The following TXNIP variants were observed in gnomAD, a reference collection of about 807,000 sequenced individuals.
TXNIP encodes the protein thioredoxin-interacting protein.
A neutral mutation model predicts 43.9 loss-of-function variants in TXNIP; 23 were observed. The ratio of observed to expected loss-of-function variants is 0.52; its 90% confidence interval spans 0.38 to 0.74. TXNIP has a LOEUF of 0.74. TXNIP is among the 30% of genes least tolerant of loss of function. TXNIP has a pLI of 0.00. For synonymous variants in TXNIP, 234 were observed against 172.2 expected (o/e 1.36, Z -2.81); for missense variants, 555 against 485.4 (o/e 1.14, Z -1.35).
At position 145,994,129 on chromosome 1, in the gene TXNIP, G is replaced by A. The variant is rs1651331657; in HGVS notation, c.1027C>T (p.Arg343Ter). 2 of 1,614,122 alleles carry A rather than the reference G, an allele frequency of 1.2e-6. No homozygotes were observed. The highest frequency in any genetic ancestry group is 2.2e-5 in the East Asian group (1 of 44,888). The change falls in exon 7 of 8, where the codon CGA becomes TGA. Residue 343 changes from arginine to a stop codon, truncating the protein, a stop_gained. Coordinates refer to ENST00000582401, the MANE Select transcript of TXNIP (RefSeq NM_006472.6). LOFTEE classifies it high-confidence loss of function. ...CYMDVIPEDH[R>*]LESPTTPLLD... is the part of the protein sequence containing the mutation. ...AGAGGAGTGGTTGGGCTCTCCAATC[G>A]GTGATCTTCAGGAATGACATCCATA...
chr1:145,994,861 C>A, intron 4 of TXNIP, 61 bp from the exon 5 acceptor site: 1 of 1,613,632 alleles, frequency 6.2e-7, no homozygotes, highest in Non-Finnish European at 8.5e-7. Context: ...ACTTCCTCTA[C>A]CCCAGTCCCA....
intron 1 of TXNIP, chr1:145,995,804 T>A (rs1651487322): frequency 1.5e-6 from 1 of 672,934 alleles, no homozygotes; most frequent in African/African-American, 1.8e-5. Context: ...CAGGATCCCC[T>A]TTAGGACACA....
chr1:145,995,857 G>T, intron 1 of TXNIP, 160 bp downstream of exon 1: 2 of 879,282 alleles, frequency 2.3e-6, no homozygotes, highest in African/African-American at 1.7e-5. Flanking sequence ...TTTTGGGGGG[G>T]GAGGAGAATG....
Position 145,993,535 on chromosome 1 carries a change from C to T in TXNIP, c.*316G>A, listed in dbSNP as rs1553765732. ...AGCTTACGCCAGGAGGCCATTTTTA[C>T]CTGACCCGAAACTATCGAAAAGGCC... On this transcript the variant is annotated 3_prime_UTR_variant, in exon 8 of 8. Transcript: ENST00000582401. 1 of 244,968 alleles carries T rather than the reference C, an allele frequency of 4.1e-6. No individual in the cohort carries two copies. Among genetic ancestry groups the T allele is most frequent in the Non-Finnish European group, 8.0e-6 (1 of 124,804 alleles). The allele number at this position is 244,968 out of a possible 1,614,324, so 15.2% of individuals were successfully genotyped here.
chr1:145,995,850 TGG>T, intron 1 of TXNIP, 165 bp downstream of exon 1: 2 of 854,368 alleles, frequency 2.3e-6, no homozygotes, highest in Non-Finnish European at 3.5e-6. Flanking sequence ...CCCTTTTTTT[TGG>T]GGGGGGAGGA....
Position 145,996,467 on chromosome 1 carries a change from A to C in TXNIP, c.-201T>G. 5.4e-6 allele frequency: 3 copies of C among 554,056 alleles called. No individual in the cohort carries two copies. The highest frequency in any genetic ancestry group is 6.1e-6 in the Non-Finnish European group (2 of 328,486). 34.3% of individuals were successfully genotyped at this position (554,056 alleles called of 1,614,324 possible). A position where few individuals can be genotyped will look rare whatever the true frequency, so the allele number is the denominator to read the frequency against. ...TTTCGAAAAGGCGCCTAAAAAATAT[A>C]CGCCGCTGGTTACACTAAGCTAATT... On this transcript the variant is annotated 5_prime_UTR_variant, in exon 1 of 8. Coordinates refer to ENST00000582401, the MANE Select transcript of TXNIP (RefSeq NM_006472.6).
Position 145,994,426 on chromosome 1 carries a change from G to C in TXNIP, c.843C>G (p.Ser281Arg). 3 of 1,613,730 alleles carry C rather than the reference G, an allele frequency of 1.9e-6. No homozygotes were observed. Among genetic ancestry groups the C allele is most frequent in the Non-Finnish European group, 2.5e-6 (3 of 1,179,790 alleles). ...RVEYSLLIYV[S>R]VPGSKKVILD... ...GGATGACCTTCTTGGATCCAGGAAC[G>C]CTAACATAGATCTAGAAAGGAAGAT... is the stretch of plus-strand genomic sequence containing the variant. Residue 281 changes from serine to arginine, a missense_variant, in exon 6 of 8, where the codon AGC becomes AGG. Coordinates refer to ENST00000582401, the MANE Select transcript of TXNIP (RefSeq NM_006472.6).
intron 1 of TXNIP, 159 bp from the exon 2 acceptor site, chr1:145,995,635 G>A (rs1427256239): frequency 1.4e-6 from 1 of 728,652 alleles, no homozygotes; most frequent in Non-Finnish European, 2.3e-6. Flanking sequence ...TTCTTAAAGA[G>A]AAATTCTGAT....
intron 1 of TXNIP, 122 bp from the exon 2 acceptor site, chr1:145,995,598 A>G (rs1553766413): frequency 2.3e-6 from 2 of 881,414 alleles, no homozygotes; most frequent in Non-Finnish European, 3.7e-6. Context: ...CATCCCATAT[A>G]TATATTTTTT....
rs781843119 is a variant in TXNIP at position 145,996,204 on chromosome 1, G to A, written c.63C>T (p.Tyr21=). ...EVVFNDPEKV[Y]GSGEKVAGRV... The stretch of plus-strand genomic sequence containing the variant: ...GGCCAGCCACCTTCTCGCCACTGCC[G>A]TACACCTTTTCAGGGTCGTTAAAGA... The change falls in exon 1 of 8, where the codon TAC becomes TAT. Residue 21 remains tyrosine, a synonymous_variant. Transcript: ENST00000582401. 4.3e-6 allele frequency: 7 copies of A among 1,613,740 alleles called. No homozygotes were observed. The African/African-American group carries it at 6.7e-5, about 15-fold the overall frequency.
In TXNIP at chr1:145,995,179, C is replaced by T; in HGVS notation, c.436G>A (p.Val146Met). Reference sequence around the variant, plus strand: ...GGGGTATTGACATCCACCAGATCCACTACTTCAAAGTTTTTCTTTGTCTCT... The same window carrying T: ...GGGGTATTGACATCCACCAGATCCATTACTTCAAAGTTTTTCTTTGTCTCT... ...TQETKKNFEV[V>M]DLVDVNTPDL... The change falls in exon 3 of 8, where the codon GTG becomes ATG. Residue 146 changes from valine to methionine, a missense_variant. Transcript: ENST00000582401. 1 of 1,614,170 alleles carries T rather than the reference C, an allele frequency of 6.2e-7. No homozygotes were observed. Among genetic ancestry groups the T allele is most frequent in the Non-Finnish European group, 8.5e-7 (1 of 1,180,032 alleles).
Position 145,994,266 on chromosome 1 carries a change from T to A in TXNIP, c.988+15A>T, listed in dbSNP as rs782778967. On this transcript the variant is annotated intron_variant, in intron 6 of 7. Coordinates refer to ENST00000582401, the MANE Select transcript of TXNIP (RefSeq NM_006472.6). ...GTAGACCAGAAACAAAGAAAAGACATTAGGTCTGGCTCACCTTCTGGGGTA... is the reference window on the plus strand; with the variant it reads ...GTAGACCAGAAACAAAGAAAAGACAATAGGTCTGGCTCACCTTCTGGGGTA... 8 of 1,613,428 alleles carry A rather than the reference T, an allele frequency of 5.0e-6. No individual in the cohort carries two copies. In the Admixed American group the frequency reaches 1.3e-4, roughly 27 times the overall value.
rs775233794 is a variant in TXNIP at position 145,993,824 on chromosome 1, T to TAA, written c.*25_*26dup. The TAA allele has an allele frequency of 3.0e-5, 48 of 1,613,838 alleles. No homozygotes were observed. Among genetic ancestry groups the TAA allele is most frequent in the Non-Finnish European group, 4.0e-5 (47 of 1,179,844 alleles). ...AGAGAGACAAAAAGAAACAAGTAGG[T>TAA]AAAGCTGCTTCTTTTCTTCCACATG... On this transcript the variant is annotated 3_prime_UTR_variant, in exon 8 of 8. Transcript: ENST00000582401.
intron 1 of TXNIP, chr1:145,995,762 ATAAGACTT>A: frequency 3.3e-6 from 2 of 612,852 alleles, no homozygotes; most frequent in South Asian, 4.1e-5. Context: ...TTATGCACAC[ATAAGACTT>A]TAACTACCCG....
Position 145,992,849 on chromosome 1 carries a change from G to A in TXNIP, c.*1002C>T, listed in dbSNP as rs1360566475. The A allele has an allele frequency of 6.6e-6, 1 of 152,670 alleles. No homozygotes were observed. The highest frequency in any genetic ancestry group is 1.5e-5 in the Non-Finnish European group (1 of 68,068). The allele number at this position is 152,670 out of a possible 1,614,324, so 9.5% of individuals were successfully genotyped here. A position where few individuals can be genotyped will look rare whatever the true frequency, so the allele number is the denominator to read the frequency against. ...TGATCAAGAGTTCCTCCTTGGGTTT[G>A]AAGTCACAGTGGGCAAGGCTGACAG... On this transcript the variant is annotated 3_prime_UTR_variant, in exon 8 of 8. Coordinates refer to ENST00000582401, the MANE Select transcript of TXNIP (RefSeq NM_006472.6).
In TXNIP at chr1:145,995,353, G is replaced by A. The variant is rs782234887; in HGVS notation, c.323+51C>T. 7.5e-6 allele frequency: 12 copies of A among 1,609,598 alleles called. No homozygotes were observed. The Middle Eastern group carries it at 4.9e-4, about 66-fold the overall frequency. ...AAGAACAGTAAGTGATCAAAGGAGG[G>A]CAAGATATTTTAGACAGAAAAGTTC... On this transcript the variant is annotated intron_variant, in intron 2 of 7. Transcript: ENST00000582401.
chr1:145,996,076 T>C lies in TXNIP; in HGVS notation c.191A>G (p.Lys64Arg), dbSNP rs1049384861. The change falls in exon 1 of 8, where the codon AAA becomes AGA. Residue 64 changes from lysine (K) to arginine (R), a missense_variant. Physicochemically the swap from Lys to Arg is conservative, Grantham distance 26. Transcript: ENST00000582401. ...ATAGCGCAGGTACTCCGAAGTCTGTTTGCACTGCTGGGATCCCTGCATCCA... is the reference window on the plus strand; with the variant it reads ...ATAGCGCAGGTACTCCGAAGTCTGTCTGCACTGCTGGGATCCCTGCATCCA... ...VLWMQGSQQC[K>R]QTSEYLRYED... 6.2e-7 allele frequency: 1 copy of C among 1,614,098 alleles called. No homozygotes were observed.
At position 145,993,864 on chromosome 1, in the gene TXNIP, T is replaced by C. The variant is rs782309079; in HGVS notation, c.1163A>G (p.Asn388Ser). ...TCTTCCACATGCTCACTGCACATTG[T>C]TGTTGAGGATGCAGGGATCCACCTA... The part of the protein sequence containing the change: ...YTEVDPCILN[N>S]NVQ Residue 388 changes from asparagine (N) to serine (S), a missense_variant, in exon 8 of 8, where the codon AAC becomes AGC. Asn to Ser is a conservative substitution (Grantham distance 46). Transcript: ENST00000582401. 6.8e-6 allele frequency: 11 copies of C among 1,614,208 alleles called. No individual in the cohort carries two copies. Among genetic ancestry groups the C allele is most frequent in the Middle Eastern group, 3.3e-4 (2 of 6,062 alleles).
rs1553766182 is a variant in TXNIP, at chr1:145,994,943, T to C, written c.560A>G (p.Lys187Arg). ...RVSVSARIDR[K>R]GFCEGDEISI... is the part of the protein sequence containing the mutation. ...TAGGATTTTACCTTCACAGAATCCT[T>C]TTCTGTCAATTCGAGCAGAGACAGA... The change falls in exon 4 of 8, where the codon AAA (lysine) becomes AGA (arginine). Residue 187 changes from lysine (K) to arginine (R), a missense_variant. Transcript: ENST00000582401. 6.2e-7 allele frequency: 1 copy of C among 1,614,136 alleles called. No individual in the cohort carries two copies. The highest frequency in any genetic ancestry group is 1.1e-5 in the South Asian group (1 of 91,086).
Sources: gnomAD v4.1 joint callset for allele counts on GRCh38, gnomAD v4.1.1 for gene constraint, MANE v1.5 for transcripts, NCBI Gene and HGNC (gene_info 2026-07-23, HGNC 2026-07-21) for gene names.